Variants in KIT observed in about 807,000 individuals in gnomAD.
KIT encodes the protein KIT proto-oncogene, receptor tyrosine kinase.
KIT carries 16 observed loss-of-function variants against 105.7 expected under a neutral mutation model. The observed-to-expected ratio is 0.15, with a 90% CI of 0.10 to 0.23. The LOEUF (loss-of-function observed/expected upper bound fraction) is 0.23, where lower values mean the gene tolerates loss of function less well. Ranked by LOEUF, KIT falls within the 10% of genes least tolerant of loss-of-function variation. KIT has a pLI of 1.00. For synonymous variants in KIT, 438 were observed against 441.1 expected, an observed-to-expected ratio of 0.99 and a Z score of 0.09; for missense variants, 858 against 1,213.8, an observed-to-expected ratio of 0.71 and a Z score of 4.36.
intron 7 of KIT, among the ~76,000 whole-genome samples, chr4:54,720,492 G>A (rs1201251532): frequency 1.3e-5 from 2 of 152,192 alleles, no homozygotes; most frequent in Admixed American, 6.5e-5. Flanking sequence ...AAATGGAATT[G>A]ATTATGTAAT....
intron 7 of KIT, among the ~76,000 whole-genome samples, chr4:54,716,878 G>C (rs1721539325): frequency 6.6e-6 from 1 of 152,150 alleles, no homozygotes; most frequent in African/African-American, 2.4e-5. Context: ...CAGATATACT[G>C]TGCTGGCTTT....
At chr4:54,690,361 C>G (rs547977863) in intron 1 of KIT, among the ~76,000 whole-genome samples, 10 of 152,190 alleles carry the variant, frequency 6.6e-5, no homozygotes, top group Non-Finnish European at 1.3e-4. Context: ...GCATTGTTGA[C>G]TCTTCGTAAG....
intron 7 of KIT, among the ~76,000 whole-genome samples, chr4:54,715,694 C>G (rs996556507): frequency 2.6e-5 from 4 of 152,144 alleles, no homozygotes; most frequent in African/African-American, 9.7e-5. Context: ...CCATCAGGCC[C>G]CACCTCCAGT....
intron 1 of KIT, among the ~76,000 whole-genome samples, chr4:54,686,657 A>T (rs1459265622): frequency 3.3e-5 from 5 of 152,088 alleles, no homozygotes; most frequent in African/African-American, 1.2e-4. Flanking sequence ...TGATCCTCCC[A>T]CATCAGCCTC....
chr4:54,674,525 T>G (rs1718330571), intron 1 of KIT, among the ~76,000 whole-genome samples: 1 of 152,162 alleles, frequency 6.6e-6, no homozygotes, highest in South Asian at 2.1e-4. Flanking sequence ...TCAATAATTA[T>G]GCTGCCACCA....
intron 1 of KIT, among the ~76,000 whole-genome samples, chr4:54,682,122 CTT>C: frequency 7.2e-6 from 1 of 139,294 alleles, no homozygotes; most frequent in East Asian, 2.1e-4. Flanking sequence ...CTGGATCTCT[CTT>C]TGTCTCCCAG....
chr4:54,713,167 A>G lies in KIT; in HGVS notation c.1231+3628A>G, dbSNP rs566481303. ...GAACAGATGGGTTTTAGTTACATAG[A>G]TAAGTTCTTTTATGGTGATTTCTGA... On this transcript the variant is annotated intron_variant, in intron 7 of 20. Transcript: ENST00000288135. Among the ~76,000 whole-genome samples the G allele has an allele frequency of 2.0e-5, 3 of 152,100 alleles. No individual in the cohort carries two copies. The South Asian group carries it at 6.2e-4, about 32-fold the overall frequency.
intron 1 of KIT, among the ~76,000 whole-genome samples, chr4:54,689,873 CA>C (rs112220971): frequency 8.5e-5 from 13 of 152,216 alleles, no homozygotes; most frequent in South Asian, 2.1e-4. Context: ...GTCCATCCCC[CA>C]CTGTACTCCC....
chr4:54,676,626 G>A (rs763154399), intron 1 of KIT, among the ~76,000 whole-genome samples: 4 of 151,100 alleles, frequency 2.6e-5, no homozygotes, highest in Non-Finnish European at 5.9e-5. Flanking sequence ...ATTTTCAGAG[G>A]ACAAATACGA....
intron 4 of KIT, 23 bp downstream of exon 4, chr4:54,699,789 C>G (rs993957269): frequency 3.1e-6 from 5 of 1,613,112 alleles, no homozygotes; most frequent in Non-Finnish European, 4.2e-6. Context: ...CTTCATTCTT[C>G]TCATGTTCTG....
Position 54,731,875 on chromosome 4 carries a change from A to G in KIT, c.2238A>G (p.Ser746=), listed in dbSNP as rs1553892658. The G allele has an allele frequency of 2.5e-6, 4 of 1,613,380 alleles. No individual in the cohort carries two copies. Among genetic ancestry groups the G allele is most frequent in the Non-Finnish European group, 3.4e-6 (4 of 1,179,518 alleles). The stretch of plus-strand genomic sequence containing the variant: ...AAAATCCTCTCTTCCTCACAGGCTC[A>G]TACATAGAAAGAGATGTGACTCCCG... ...ADKRRSVRIG[S]YIERDVTPAI... Residue 746 remains serine (S), a synonymous_variant, in exon 16 of 21, where the codon TCA becomes TCG. Coordinates refer to ENST00000288135, the MANE Select transcript of KIT (RefSeq NM_000222.3).
intron 7 of KIT, among the ~76,000 whole-genome samples, chr4:54,713,061 A>AT (rs146978855): frequency 0.37 from 56,074 of 151,416 alleles, 12,072 homozygotes; most frequent in Non-Finnish European, 0.49. Flanking sequence ...TGATTTGTTG[A>AT]TTTTTTTTAA....
intron 1 of KIT, among the ~76,000 whole-genome samples, chr4:54,677,358 A>G (rs559096184): frequency 6.6e-6 from 1 of 151,410 alleles, no homozygotes; most frequent in East Asian, 2.0e-4. Context: ...GCGAAATTTC[A>G]TAACTTGGTT....
chr4:54,669,257 G>T lies in KIT; in HGVS notation c.67+11176G>T, dbSNP rs1717931701. Among the ~76,000 whole-genome samples the T allele has an allele frequency of 5.9e-5, 9 of 151,988 alleles. No homozygotes were observed. The South Asian group carries it at 1.9e-3, about 31-fold the overall frequency. ...AAAATAAACCAGCATATGTAGAAGG[G>T]TTTGTGAGTTTTTTTAGTAGATCTG... On this transcript the variant is annotated intron_variant, in intron 1 of 20. Coordinates refer to ENST00000288135, the MANE Select transcript of KIT (RefSeq NM_000222.3).
chr4:54,682,241 CA>C (rs1404370073), intron 1 of KIT, among the ~76,000 whole-genome samples: 21 of 151,660 alleles, frequency 1.4e-4, no homozygotes, highest in African/African-American at 5.1e-4. Flanking sequence ...AGGCACATGC[CA>C]CCATGCCTGA....
intron 4 of KIT, among the ~76,000 whole-genome samples, chr4:54,702,887 T>G (rs1350504800): frequency 1.3e-5 from 2 of 152,194 alleles, no homozygotes; most frequent in East Asian, 3.8e-4. Flanking sequence ...TATTAGCTCC[T>G]TTTACTTTAA....
Position 54,698,400 on chromosome 4 carries a change from C to G in KIT, c.454C>G (p.Gln152Glu), listed in dbSNP as rs145053429. The change falls in exon 3 of 21, where the codon CAG (glutamine) becomes GAG (glutamate). Residue 152 changes from glutamine to glutamate, a missense_variant. Physicochemically the swap from Gln to Glu is conservative, Grantham distance 29. Transcript: ENST00000288135. ...EVTNYSLKGC[Q>E]GKPLPKDLRF... ...GACCAATTATTCCCTCAAGGGGTGC[C>G]AGGGGAAGCCTCTTCCCAAGGACTT... 6.2e-7 allele frequency: 1 copy of G among 1,614,042 alleles called. No homozygotes were observed. Among genetic ancestry groups the G allele is most frequent in the Non-Finnish European group, 8.5e-7 (1 of 1,180,040 alleles).
intron 1 of KIT, among the ~76,000 whole-genome samples, chr4:54,666,692 G>A (rs1488580281): frequency 6.6e-6 from 1 of 152,182 alleles, no homozygotes; most frequent in Non-Finnish European, 1.5e-5. Flanking sequence ...TTTTGAAATG[G>A]TTCTTAGGTC....
intron 4 of KIT, among the ~76,000 whole-genome samples, chr4:54,700,810 GATGATA>G (rs534337247): frequency 6.0e-4 from 91 of 152,302 alleles, no homozygotes; most frequent in Admixed American, 1.9e-3. Context: ...ACCTGTGATG[GATGATA>G]TCTTGCTAAA....
Sources: gnomAD v4.1 joint callset for allele counts (sites outside exome capture counted in the v4.1 genomes callset) on GRCh38, gnomAD v4.1.1 for gene constraint, MANE v1.5 for transcripts, NCBI Gene and HGNC (gene_info 2026-07-23, HGNC 2026-07-21) for gene names.